Variants in SP100 observed in about 807,000 individuals in gnomAD.
SP100 encodes the protein nuclear autoantigen Sp-100.
SP100 carries 84 observed loss-of-function variants against 130.0 expected under a neutral mutation model. The ratio of observed to expected loss-of-function variants is 0.65; its 90% CI spans 0.54 to 0.77. The LOEUF (loss-of-function observed/expected upper bound fraction) is 0.77. Among genes scored for constraint, SP100 ranks in the 30% least tolerant of loss-of-function variants. The pLI, the probability that SP100 is intolerant of heterozygous loss-of-function variation, is 0.00. For synonymous variants in SP100, 331 were observed against 351.7 expected (o/e 0.94, Z 0.66); for missense variants, 978 against 1,052.2 (o/e 0.93, Z 0.97).
intron 17 of SP100, among the ~76,000 whole-genome samples, chr2:230,488,475 A>G (rs1030284709): frequency 6.6e-6 from 1 of 152,150 alleles, no homozygotes; most frequent in Non-Finnish European, 1.5e-5. Flanking sequence ...GTGCAGTGGC[A>G]TGATCTCGGC....
In SP100 at chr2:230,514,329, A is replaced by C. The variant is rs1031048443; in HGVS notation, c.2094+3163A>C. ...GAAATATAATGCACACAAAAATTAT[A>C]ATCAAAAAGAGAATTTGTGTACAAG... On this transcript the variant is annotated intron_variant, in intron 24 of 28. Transcript: ENST00000340126. Among the ~76,000 whole-genome samples, 170 of 151,910 alleles carry C rather than the reference A, an allele frequency of 1.1e-3. 1 individual carries two copies. Among genetic ancestry groups the C allele is most frequent in the African/African-American group, 4.0e-3 (167 of 41,242 alleles).
At chr2:230,446,521 A>G (rs963773340) in intron 4 of SP100, among the ~76,000 whole-genome samples, 1 of 152,142 alleles carries the variant, frequency 6.6e-6, no homozygotes, top group African/African-American at 2.4e-5. Context: ...TCTTCCTTAC[A>G]CTTGATATAT....
Position 230,540,860 on chromosome 2 carries a change from A to AT in SP100, c.2211-15dup. 2 of 1,607,412 alleles carry AT rather than the reference A, an allele frequency of 1.2e-6. No individual in the cohort carries two copies. Among genetic ancestry groups the AT allele is most frequent in the Non-Finnish European group, 1.7e-6 (2 of 1,175,756 alleles). ...CACAGAACCTGCCATTGCTCACTTT[A>AT]TGCCCCATCTCTCAGGAACCCGTGG... On this transcript the variant is annotated splice_polypyrimidine_tract_variant and intron_variant, in intron 25 of 28. Transcript: ENST00000340126.
chr2:230,430,192 T>C (rs2063055241), intron 2 of SP100, among the ~76,000 whole-genome samples: 1 of 152,190 alleles, frequency 6.6e-6, no homozygotes, highest in Admixed American at 6.5e-5. Context: ...CAGAGCTTGC[T>C]GTTGAGATCT....
At chr2:230,454,646 A>G (rs569190846) in intron 8 of SP100, among the ~76,000 whole-genome samples, 1 of 152,318 alleles carries the variant, frequency 6.6e-6, no homozygotes, top group African/African-American at 2.4e-5. Flanking sequence ...GTCAGAAAGT[A>G]TATCTGATAT....
Position 230,461,401 on chromosome 2 carries a change from A to G in SP100, c.960A>G (p.Ala320=). The change falls in exon 9 of 29, where the codon GCA becomes GCG. Residue 320 remains alanine, a synonymous_variant. Coordinates refer to ENST00000340126, the MANE Select transcript of SP100 (RefSeq NM_001080391.2). ...QAQARTHHNQ[A]SDIIVISSED... is the part of the protein sequence containing the mutation. ...AAGCAAGAACTCATCATAACCAGGC[A>G]TCTGACATAATAGGTAAGGCTGACT... is the stretch of plus-strand genomic sequence containing the variant. 1.2e-6 allele frequency: 2 copies of G among 1,614,100 alleles called. No homozygotes were observed. Among genetic ancestry groups the G allele is most frequent in the Non-Finnish European group, 1.7e-6 (2 of 1,179,938 alleles).
At chr2:230,508,077 T>C in intron 23 of SP100, 46 bp downstream of exon 23, 1 of 1,608,332 alleles carries the variant, frequency 6.2e-7, no homozygotes. Flanking sequence ...TATTATGTTG[T>C]TGATTTTCTA....
chr2:230,437,338 C>A (rs2063324591), intron 2 of SP100, among the ~76,000 whole-genome samples: 1 of 152,048 alleles, frequency 6.6e-6, no homozygotes, highest in Admixed American at 6.6e-5. Context: ...TTCTAAATAA[C>A]CTCTAACTAC....
At chr2:230,492,822 G>A (rs2066460282) in intron 17 of SP100, among the ~76,000 whole-genome samples, 1 of 152,128 alleles carries the variant, frequency 6.6e-6, no homozygotes, top group Non-Finnish European at 1.5e-5. Context: ...TTATGTGTTT[G>A]TGTTATTTAT....
chr2:230,488,302 G>A (rs1397260682), intron 17 of SP100, among the ~76,000 whole-genome samples: 1 of 152,178 alleles, frequency 6.6e-6, no homozygotes, highest in East Asian at 1.9e-4. Flanking sequence ...TGCCCATTCA[G>A]TATGATATTG....
intron 18 of SP100, 110 bp from the exon 19 acceptor site, chr2:230,498,351 T>G: frequency 4.0e-6 from 2 of 499,090 alleles, no homozygotes; most frequent in Non-Finnish European, 7.0e-6. Flanking sequence ...TATTTTTCTT[T>G]GTGTGTTAGG....
rs1223539570 is a variant in SP100, at chr2:230,544,719, G to A, written c.*1773G>A. ...TGGTCTTGAACTCCCGACCTCAGGT[G>A]ATCCACCCACCTCGGCCTCCCAAAG... On this transcript the variant is annotated 3_prime_UTR_variant, in exon 29 of 29. Coordinates refer to ENST00000340126, the MANE Select transcript of SP100 (RefSeq NM_001080391.2). Among the ~76,000 whole-genome samples, 1 of 152,110 alleles carries A rather than the reference G, an allele frequency of 6.6e-6. No homozygotes were observed. Among genetic ancestry groups the A allele is most frequent in the Non-Finnish European group, 1.5e-5 (1 of 68,006 alleles).
intron 24 of SP100, among the ~76,000 whole-genome samples, chr2:230,525,330 C>A (rs1691370292): frequency 6.6e-6 from 1 of 152,022 alleles, no homozygotes; most frequent in Non-Finnish European, 1.5e-5. Context: ...TATTTAAAAC[C>A]TGACAGAAAA....
chr2:230,485,257 C>T (rs912611348), intron 17 of SP100, among the ~76,000 whole-genome samples: 2 of 152,158 alleles, frequency 1.3e-5, no homozygotes, highest in Admixed American at 1.3e-4. Context: ...CCAGCTAAGA[C>T]TTTTCCCCTC....
chr2:230,464,230 C>A, intron 11 of SP100, 80 bp downstream of exon 11: 1 of 874,430 alleles, frequency 1.1e-6, no homozygotes, highest in Non-Finnish European at 1.9e-6. Context: ...TGATTAATTT[C>A]ATTCTGAGTG....
intron 17 of SP100, among the ~76,000 whole-genome samples, chr2:230,487,596 C>T (rs530897736): frequency 3.3e-5 from 5 of 152,302 alleles, no homozygotes; most frequent in Admixed American, 3.3e-4. Flanking sequence ...TATAATTTGA[C>T]ATCAAGTAGG....
chr2:230,536,972 T>G (rs1435871267), intron 24 of SP100, among the ~76,000 whole-genome samples: 1 of 152,164 alleles, frequency 6.6e-6, no homozygotes, highest in African/African-American at 2.4e-5. Context: ...AAGAATGCCA[T>G]GTAAGCTAGG....
chr2:230,469,179 TA>T, intron 14 of SP100, 83 bp downstream of exon 14: 3 of 853,898 alleles, frequency 3.5e-6, no homozygotes, highest in Non-Finnish European at 1.9e-6. Context: ...TTATATCCTT[TA>T]AAATAAAAAA....
intron 25 of SP100, among the ~76,000 whole-genome samples, chr2:230,540,048 G>C (rs1023379095): frequency 2.0e-5 from 3 of 152,192 alleles, no homozygotes; most frequent in African/African-American, 7.2e-5. Context: ...TGCTCCCAGG[G>C]TGTCATCTCA....
Sources: allele counts gnomAD v4.1 joint callset (sites outside exome capture counted in the v4.1 genomes callset), GRCh38; gene constraint gnomAD v4.1.1; transcripts MANE v1.5; gene names NCBI Gene and HGNC (gene_info 2026-07-23, HGNC 2026-07-21).